ANKDD1B: variants seen among roughly 807,000 people sequenced by gnomAD.
ANKDD1B encodes the protein ankyrin repeat and death domain containing 1B.
In ANKDD1B, 57 loss-of-function variants were observed where a neutral mutation model predicts 59.7. That is an observed-to-expected ratio of 0.95 (90% CI 0.77 to 1.19). The LOEUF is 1.19. Among genes scored for constraint, ANKDD1B ranks in the 50% most tolerant of loss-of-function variants. The probability of loss-of-function intolerance (pLI) is 0.00; values close to 1 mark genes in which losing one functional copy is unlikely to be tolerated. For synonymous variants in ANKDD1B, 216 were observed against 239.5 expected, an observed-to-expected ratio of 0.90 and a Z score of 0.91; for missense variants, 602 against 641.9, an observed-to-expected ratio of 0.94 and a Z score of 0.67.
rs1774877075 is a variant in ANKDD1B at position 75,653,258 on chromosome 5, A to AACC, written c.897+18_897+19insACC. On this transcript the variant is annotated intron_variant, in intron 8 of 13. Transcript: ENST00000601380. ...AAGTGGAAGTGAGTTTATTCCAATG[A>AACC]CACGGGCTTTGGTCCTGGCGCCGTG... The AACC allele has an allele frequency of 6.6e-7, 1 of 1,518,284 alleles. No homozygotes were observed. Among genetic ancestry groups the AACC allele is most frequent in the Non-Finnish European group, 8.8e-7 (1 of 1,130,666 alleles). 94.1% of individuals were successfully genotyped at this position (1,518,284 alleles called of 1,614,324 possible).
At chr5:75,622,103 C>T (rs73764933) in intron 3 of ANKDD1B, among the ~76,000 whole-genome samples, 4,782 of 152,296 alleles carry the variant, frequency 0.031, 252 homozygotes, top group African/African-American at 0.11. Flanking sequence ...AGTTTGACTT[C>T]TTCTAAGTTC....
chr5:75,612,360 G>A (rs114629035), intron 1 of ANKDD1B, among the ~76,000 whole-genome samples: 6,468 of 45,718 alleles, frequency 0.14, 571 homozygotes, highest in African/African-American at 0.35. Flanking sequence ...TCCGCCCCGC[G>A]TGTAGGGTCT....
At chr5:75,624,063 CAGATCACAAACACA>C (rs1773925876) in intron 3 of ANKDD1B, among the ~76,000 whole-genome samples, 1 of 152,152 alleles carries the variant, frequency 6.6e-6, no homozygotes, top group Non-Finnish European at 1.5e-5. Flanking sequence ...AAACAGTTTC[CAGATCACAAACACA>C]ACTGATTAGA....
chr5:75,636,265 A>G (rs530803523), intron 7 of ANKDD1B, among the ~76,000 whole-genome samples: 2 of 152,226 alleles, frequency 1.3e-5, no homozygotes, highest in South Asian at 4.1e-4. Flanking sequence ...TACAGTTTTC[A>G]CAGAAGAGGT....
At position 75,635,788 on chromosome 5, in the gene ANKDD1B, G is replaced by A. The variant is rs1316326516; in HGVS notation, c.704G>A (p.Gly235Glu). The A allele has an allele frequency of 5.9e-6, 9 of 1,528,380 alleles. No homozygotes were observed. The highest frequency in any genetic ancestry group is 7.0e-6 in the Non-Finnish European group (8 of 1,140,800). 94.7% of individuals were successfully genotyped at this position (1,528,380 alleles called of 1,614,324 possible). ...NLHTSEKDKG[G>E]NTALHLAAKH... ...TCGAGTGTGTCTCTGTTGCAGGGGG[G>A]AAACACTGCCTTGCACCTCGCTGCG... Residue 235 changes from glycine to glutamate, a missense_variant, in exon 7 of 14, where the codon GGA becomes GAA. Gly to Glu is a moderately conservative substitution (Grantham distance 98). Transcript: ENST00000601380.
intron 11 of ANKDD1B, among the ~76,000 whole-genome samples, chr5:75,665,069 C>A (rs1233606817): frequency 1.3e-5 from 2 of 152,112 alleles, no homozygotes; most frequent in African/African-American, 2.4e-5. Context: ...ACCTAACCAC[C>A]CAATCATCCA....
At chr5:75,630,406 C>T (rs1774117439) in intron 5 of ANKDD1B, among the ~76,000 whole-genome samples, 1 of 152,094 alleles carries the variant, frequency 6.6e-6, no homozygotes, top group South Asian at 2.1e-4. Flanking sequence ...TTTGCTTTTA[C>T]ATCTTTTTCC....
chr5:75,661,580 T>C (rs1055143449), intron 10 of ANKDD1B, among the ~76,000 whole-genome samples: 2 of 152,132 alleles, frequency 1.3e-5, no homozygotes, highest in South Asian at 2.1e-4. Flanking sequence ...TTTTTAATGC[T>C]GTTGTTTTGT....
chr5:75,658,606 T>C (rs1775035478), intron 9 of ANKDD1B, among the ~76,000 whole-genome samples: 1 of 152,204 alleles, frequency 6.6e-6, no homozygotes, highest in Admixed American at 6.5e-5. Flanking sequence ...AAATAAACTC[T>C]AATCCCTTCA....
rs372878205 is a variant in ANKDD1B at position 75,616,861 on chromosome 5, T to C, written c.251T>C (p.Met84Thr). ...NAAKSNNLDL[M>T]EKLFEKKVNI... Reference sequence around the variant, plus strand: ...GCTAAAAGCAATAATTTGGATCTTATGGAGAAGCTGTTTGAAAAGAAGGTT... The same window carrying C: ...GCTAAAAGCAATAATTTGGATCTTACGGAGAAGCTGTTTGAAAAGAAGGTT... Residue 84 changes from methionine to threonine, a missense_variant, in exon 2 of 14, where the codon ATG (methionine) becomes ACG (threonine). Transcript: ENST00000601380. The C allele has an allele frequency of 7.8e-6, 12 of 1,533,004 alleles. No homozygotes were observed. In the East Asian group the frequency reaches 1.7e-4, roughly 22 times the overall value. The allele number at this position is 1,533,004 out of a possible 1,614,324, so 95.0% of individuals were successfully genotyped here.
At chr5:75,660,692 C>T (rs253414) in intron 10 of ANKDD1B, among the ~76,000 whole-genome samples, 86,566 of 152,040 alleles carry the variant, frequency 0.57, 25,678 homozygotes, top group Middle Eastern at 0.7. Context: ...CAGGTGCTCA[C>T]GCAGGCCATA....
At chr5:75,653,029 C>T (rs573426756) in intron 7 of ANKDD1B, 113 bp from the exon 8 acceptor site, 42 of 741,000 alleles carry the variant, frequency 5.7e-5, no homozygotes, top group Admixed American at 1.0e-4. Flanking sequence ...AAGTGATGCA[C>T]GACTGTAGTT....
At chr5:75,624,370 G>A (rs1773932306) in intron 3 of ANKDD1B, among the ~76,000 whole-genome samples, 1 of 152,140 alleles carries the variant, frequency 6.6e-6, no homozygotes, top group African/African-American at 2.4e-5. Context: ...GGGTGCAGAT[G>A]CATTTTTTTG....
chr5:75,650,044 A>G (rs1774788540), intron 7 of ANKDD1B, among the ~76,000 whole-genome samples: 1 of 152,230 alleles, frequency 6.6e-6, no homozygotes, highest in Non-Finnish European at 1.5e-5. Context: ...TTACTGGCTC[A>G]CGTATCCTCC....
chr5:75,634,964 T>C lies in ANKDD1B; in HGVS notation c.667T>C (p.Phe223Leu). ...TGTTGAAATGATAGAAAAACTTACCTTCCTAAACCTGCATACTTCAGAAAA... is the reference window on the plus strand; with the variant it reads ...TGTTGAAATGATAGAAAAACTTACCCTCCTAAACCTGCATACTTCAGAAAA... ...GHVEMIEKLT[F>L]LNLHTSEKDK... is the part of the protein sequence containing the mutation. The change falls in exon 6 of 14, where the codon TTC becomes CTC. Residue 223 changes from phenylalanine to leucine, a missense_variant. Phe to Leu is a conservative substitution (Grantham distance 22). Transcript: ENST00000601380. The C allele has an allele frequency of 1.3e-6, 2 of 1,535,396 alleles. No homozygotes were observed. The highest frequency in any genetic ancestry group is 1.7e-6 in the Non-Finnish European group (2 of 1,146,208).
Position 75,637,454 on chromosome 5 carries a change from C to T in ANKDD1B, c.798+1572C>T, listed in dbSNP as rs561243691. Among the ~76,000 whole-genome samples the T allele has an allele frequency of 2.9e-3, 433 of 151,908 alleles. 1 individual carries two copies. Among genetic ancestry groups the T allele is most frequent in the African/African-American group, 0.01 (415 of 41,404 alleles). ...CTCTTGGATTTCACAGTTTAATGTT[C>T]TGATCATTTCTAAACTTGATGCCTC... On this transcript the variant is annotated intron_variant, in intron 7 of 13. Coordinates refer to ENST00000601380, the MANE Select transcript of ANKDD1B (RefSeq NM_001276713.2).
chr5:75,670,335 T>G (rs1775441060), intron 13 of ANKDD1B, among the ~76,000 whole-genome samples: 1 of 152,246 alleles, frequency 6.6e-6, no homozygotes, highest in African/African-American at 2.4e-5. Flanking sequence ...GGTATTTCCA[T>G]TTACAAAATA....
chr5:75,625,504 G>A (rs1035625363), intron 3 of ANKDD1B, 143 bp from the exon 4 acceptor site: 9 of 659,988 alleles, frequency 1.4e-5, no homozygotes, highest in South Asian at 7.9e-5. Context: ...CCATAGGACC[G>A]AAATATCACT....
intron 10 of ANKDD1B, among the ~76,000 whole-genome samples, chr5:75,662,032 C>T (rs1775170136): frequency 6.6e-6 from 1 of 150,724 alleles, no homozygotes; most frequent in African/African-American, 2.4e-5. Flanking sequence ...TGCTTGTCCT[C>T]TTGGCCTGAG....
Sources: gnomAD v4.1 joint callset for allele counts (sites outside exome capture counted in the v4.1 genomes callset) on GRCh38, gnomAD v4.1.1 for gene constraint, MANE v1.5 for transcripts, NCBI Gene and HGNC (gene_info 2026-07-23, HGNC 2026-07-21) for gene names.